The following AOX1 variants were observed in gnomAD, a reference collection of about 807,000 sequenced individuals.
AOX1 encodes the protein aldehyde oxidase.
Under a neutral mutation model 169.5 loss-of-function variants are expected in AOX1, and 153 were observed. The ratio of observed to expected loss-of-function variants is 0.90; its 90% CI spans 0.79 to 1.03. The LOEUF is 1.03. AOX1 is among the 50% of genes least tolerant of loss of function. The pLI, the probability that AOX1 is intolerant of heterozygous loss-of-function variation, is 0.00. For missense variants in AOX1, 1,656 were observed against 1,663.9 expected, an observed-to-expected ratio of 1.00 and a Z score of 0.08; for synonymous variants, 562 against 581.9, an observed-to-expected ratio of 0.97 and a Z score of 0.49.
chr2:200,642,631 A>G lies in AOX1; in HGVS notation c.2677A>G (p.Lys893Glu). Residue 893 changes from lysine (K) to glutamate (E), a missense_variant, in exon 25 of 35, where the codon AAA becomes GAA. Transcript: ENST00000374700. ...SLFVIEMGLL[K>E]MDNAYKFPNL... ...CCAGGTGATAGAAATGGGACTTCTG[A>G]AAATGGACAATGCTTACAAGTTTCC... The G allele has an allele frequency of 2.5e-6, 4 of 1,614,064 alleles. No homozygotes were observed. The highest frequency in any genetic ancestry group is 2.5e-6 in the Non-Finnish European group (3 of 1,179,970).
chr2:200,627,443 C>A lies in AOX1; in HGVS notation c.2215C>A (p.Leu739Ile), dbSNP rs767970704. The change falls in exon 20 of 35, where the codon CTT becomes ATT. Residue 739 changes from leucine to isoleucine, a missense_variant. Leu to Ile is a conservative substitution (Grantham distance 5, BLOSUM62 2). Coordinates refer to ENST00000374700, the MANE Select transcript of AOX1 (RefSeq NM_001159.4). Reference sequence around the variant, plus strand: ...AGCATTTAAAGTGGTTGATCAAATTCTTGAAGGTAAAAAGTAATGGAAGAG... The same window carrying A: ...AGCATTTAAAGTGGTTGATCAAATTATTGAAGGTAAAAAGTAATGGAAGAG... ...DEAFKVVDQILEGEIHMGGQE... is the reference protein window; with the variant it reads ...DEAFKVVDQIIEGEIHMGGQE... The A allele has an allele frequency of 1.9e-6, 3 of 1,609,740 alleles. No individual in the cohort carries two copies. Among genetic ancestry groups the A allele is most frequent in the African/African-American group, 2.7e-5 (2 of 74,774 alleles).
chr2:200,593,191 T>A lies in AOX1; in HGVS notation c.91T>A (p.Leu31Met). 1.2e-6 allele frequency: 2 copies of A among 1,613,718 alleles called. No individual in the cohort carries two copies. Among genetic ancestry groups the A allele is most frequent in the Non-Finnish European group, 1.7e-6 (2 of 1,179,738 alleles). ...TCCTGAAACAATGCTGTTGCCTTAT[T>A]TGAGGAAGAAGCGTATCCTTTTCTT... ...VDPETMLLPY[L>M]RKKLRLTGTK... Residue 31 changes from leucine (L) to methionine (M), a missense_variant, in exon 2 of 35, where the codon TTG becomes ATG. Transcript: ENST00000374700.
At chr2:200,617,610 T>G (rs1412033837) in intron 16 of AOX1, among the ~76,000 whole-genome samples, 1 of 151,958 alleles carries the variant, frequency 6.6e-6, no homozygotes, top group Non-Finnish European at 1.5e-5. Context: ...TTTTTCAATG[T>G]GATGAAGTGT....
At chr2:200,601,199 A>G (rs1323980206) in intron 5 of AOX1, among the ~76,000 whole-genome samples, 1 of 152,064 alleles carries the variant, frequency 6.6e-6, no homozygotes, top group African/African-American at 2.4e-5. Context: ...TGAGTAAAAT[A>G]AGCCAGGCAC....
downstream of AOX1, among the ~76,000 whole-genome samples, chr2:200,680,932 A>G (rs2036147567): frequency 6.6e-6 from 1 of 152,162 alleles, no homozygotes; most frequent in Non-Finnish European, 1.5e-5. Context: ...AACGCCAGTT[A>G]CCCTCCCAGG....
Position 200,662,854 on chromosome 2 carries a change from G to T in AOX1, c.3429-1G>T. On this transcript the variant is annotated splice_acceptor_variant, in intron 30 of 34. Coordinates refer to ENST00000374700, the MANE Select transcript of AOX1 (RefSeq NM_001159.4). LOFTEE classifies it high-confidence loss of function. ...TTAACAACACTCACTGTTTCTTCCA[G>T]AGGTTATGAGTCAGACATGAACTGG... 6.2e-7 allele frequency: 1 copy of T among 1,613,390 alleles called. No homozygotes were observed. Among genetic ancestry groups the T allele is most frequent in the Non-Finnish European group, 8.5e-7 (1 of 1,179,366 alleles).
intron 1 of AOX1, among the ~76,000 whole-genome samples, chr2:200,589,220 T>C (rs2034117034): frequency 1.3e-5 from 2 of 152,190 alleles, no homozygotes; most frequent in African/African-American, 4.8e-5. Flanking sequence ...ACAGCGCACG[T>C]TGGCCAGGGA....
intron 9 of AOX1, among the ~76,000 whole-genome samples, chr2:200,605,210 T>C (rs113360910): frequency 2.4e-4 from 36 of 152,294 alleles, no homozygotes; most frequent in African/African-American, 8.4e-4. Context: ...AGGTATATGT[T>C]TTACTTAAAC....
At chr2:200,657,190 A>ATATATATATATATATATTTTTTT in intron 27 of AOX1, among the ~76,000 whole-genome samples, 7 of 62,878 alleles carry the variant, frequency 1.1e-4, no homozygotes, top group African/African-American at 1.6e-4. Flanking sequence ...ATATATATAT[A>ATATATATATATATATATTTTTTT]TTTTTTTTTT....
chr2:200,638,408 A>C, intron 23 of AOX1, 106 bp downstream of exon 23: 1 of 960,446 alleles, frequency 1.0e-6, no homozygotes, highest in Non-Finnish European at 1.6e-6. Context: ...AACAATGAGC[A>C]AATCAAAAAC....
chr2:200,604,736 G>A lies in AOX1; in HGVS notation c.710G>A (p.Gly237Asp), dbSNP rs1331955915. The A allele has an allele frequency of 3.1e-6, 5 of 1,613,972 alleles. No homozygotes were observed. Residue 237 changes from glycine to aspartate, a missense_variant, in exon 9 of 35, where the codon GGC (glycine) becomes GAC (aspartate). Physicochemically the swap from Gly to Asp is moderately conservative, Grantham distance 94 (BLOSUM62 -1). Coordinates refer to ENST00000374700, the MANE Select transcript of AOX1 (RefSeq NM_001159.4). ...EKQSQRTRVF[G>D]SERMMWFSPV... is the part of the protein sequence containing the mutation. ...CAGTCGCAAAGGACCAGGGTGTTTG[G>A]CAGTGAGAGAATGATGTGGTTTTCC...
At chr2:200,652,795 T>G (rs2035605524) in intron 26 of AOX1, among the ~76,000 whole-genome samples, 1 of 152,224 alleles carries the variant, frequency 6.6e-6, no homozygotes, top group Non-Finnish European at 1.5e-5. Flanking sequence ...TGAGGTGCAG[T>G]GGCTCACGCC....
intron 20 of AOX1, among the ~76,000 whole-genome samples, chr2:200,634,164 A>ATT (rs58341876): frequency 0.018 from 1,559 of 84,782 alleles, 58 homozygotes; most frequent in African/African-American, 0.051. Flanking sequence ...TTTCTTGAGG[A>ATT]TTTTTTTTTT....
chr2:200,587,078 G>A (rs2034051950), intron 1 of AOX1, among the ~76,000 whole-genome samples: 1 of 151,548 alleles, frequency 6.6e-6, no homozygotes, highest in South Asian at 2.1e-4. Context: ...TTTAGCCTGG[G>A]CAACATGGCG....
At chr2:200,633,242 G>C (rs556353621) in intron 20 of AOX1, among the ~76,000 whole-genome samples, 166 of 152,228 alleles carry the variant, frequency 1.1e-3, no homozygotes, top group Non-Finnish European at 2.0e-3. Context: ...GGATCACTCA[G>C]CTTCTTGAAT....
chr2:200,656,401 G>C (rs13035983), intron 26 of AOX1, among the ~76,000 whole-genome samples: 21,403 of 152,160 alleles, frequency 0.14, 2,073 homozygotes, highest in Middle Eastern at 0.22. Context: ...GGATCCTTGT[G>C]GGGAGCTATA....
intron 31 of AOX1, among the ~76,000 whole-genome samples, chr2:200,665,676 C>G (rs1330713478): frequency 5.9e-5 from 9 of 152,166 alleles, no homozygotes; most frequent in Admixed American, 5.9e-4. Context: ...AAGTGATCTG[C>G]CCCCCTCGGC....
At position 200,605,639 on chromosome 2, in the gene AOX1, A is replaced by C; in HGVS notation, c.907+11A>C. ...ACCATGCATATAATGGTGAGTTCTCAAGTCCCTGTTTTCTTAGTTAAGATG... is the reference window on the plus strand; with the variant it reads ...ACCATGCATATAATGGTGAGTTCTCCAGTCCCTGTTTTCTTAGTTAAGATG... On this transcript the variant is annotated intron_variant, in intron 10 of 34. Transcript: ENST00000374700. The C allele has an allele frequency of 7.2e-7, 1 of 1,380,972 alleles. No individual in the cohort carries two copies. The highest frequency in any genetic ancestry group is 9.7e-7 in the Non-Finnish European group (1 of 1,026,082). The allele number at this position is 1,380,972 out of a possible 1,614,324, so 85.5% of individuals were successfully genotyped here.
chr2:200,657,191 T>TATATATATATATA (rs1491522418), intron 27 of AOX1, among the ~76,000 whole-genome samples: 4 of 45,486 alleles, frequency 8.8e-5, no homozygotes, highest in East Asian at 1.3e-3. Context: ...TATATATATA[T>TATATATATATATA]TTTTTTTTTT....
Sources: allele counts gnomAD v4.1 joint callset (sites outside exome capture counted in the v4.1 genomes callset), GRCh38; gene constraint gnomAD v4.1.1; transcripts MANE v1.5; gene names NCBI Gene and HGNC (gene_info 2026-07-23, HGNC 2026-07-21).